Variants in FHOD3 observed in about 807,000 individuals in gnomAD.
The protein encoded by FHOD3 is formin homology 2 domain containing 3, also known as FH1/FH2 domain-containing protein 3.
A neutral mutation model predicts 173.0 loss-of-function variants in FHOD3; 90 were observed. That is an observed-to-expected ratio of 0.52 (90% confidence interval 0.44 to 0.62). The LOEUF (loss-of-function observed/expected upper bound fraction) is 0.62. Ranked by LOEUF, FHOD3 falls within the 20% of genes least tolerant of loss-of-function variation. The pLI is 0.00. For missense variants in FHOD3, 1,945 were observed against 2,034.7 expected (o/e 0.96, Z 0.85); for synonymous variants, 828 against 823.0 (o/e 1.01, Z -0.10).
At chr18:36,450,488 A>T (rs1443765313) in intron 3 of FHOD3, among the ~76,000 whole-genome samples, 4 of 132,004 alleles carry the variant, frequency 3.0e-5, no homozygotes, top group Admixed American at 1.5e-4. Flanking sequence ...TATTTATTTA[A>T]TTTTTAAAGA....
intron 3 of FHOD3, among the ~76,000 whole-genome samples, chr18:36,382,120 A>G (rs1156957900): frequency 1.3e-5 from 2 of 152,226 alleles, no homozygotes; most frequent in African/African-American, 2.4e-5. Flanking sequence ...GACCTGATGC[A>G]AGACTGCTCC....
At chr18:36,729,473 A>G (rs915214435) in intron 19 of FHOD3, among the ~76,000 whole-genome samples, 3 of 152,206 alleles carry the variant, frequency 2.0e-5, no homozygotes, top group Non-Finnish European at 2.9e-5. Flanking sequence ...AATACCACAC[A>G]CAGGTGACCT....
chr18:36,649,197 T>A, intron 10 of FHOD3, 119 bp from the exon 11 acceptor site: 1 of 631,756 alleles, frequency 1.6e-6, no homozygotes, highest in Non-Finnish European at 2.6e-6. Context: ...TTTTTAATTA[T>A]TATTATTTCG....
intron 1 of FHOD3, among the ~76,000 whole-genome samples, chr18:36,329,814 G>A (rs1281471765): frequency 1.6e-5 from 1 of 61,774 alleles, no homozygotes; most frequent in Non-Finnish European, 3.5e-5. Flanking sequence ...AATTCCAAGA[G>A]AGAACTAAGC....
chr18:36,711,254 G>A (rs2040156326), intron 18 of FHOD3: 1 of 152,212 alleles, frequency 6.6e-6, no homozygotes, highest in African/African-American at 2.4e-5. Context: ...TGTCATTATA[G>A]CTCTTGCTTT....
At chr18:36,585,899 G>A (rs74465784) in intron 6 of FHOD3, among the ~76,000 whole-genome samples, 3,068 of 152,224 alleles carry the variant, frequency 0.02, 108 homozygotes, top group African/African-American at 0.07. Flanking sequence ...GAGATGTTCT[G>A]CCCTTTTCTA....
intron 3 of FHOD3, among the ~76,000 whole-genome samples, chr18:36,375,094 G>A (rs2047374398): frequency 6.6e-6 from 1 of 152,212 alleles, no homozygotes; most frequent in African/African-American, 2.4e-5. Context: ...AAAATGGAAT[G>A]TGTGCAATCA....
chr18:36,663,509 C>T (rs908234232), intron 14 of FHOD3, among the ~76,000 whole-genome samples: 1 of 152,224 alleles, frequency 6.6e-6, no homozygotes, highest in African/African-American at 2.4e-5. Flanking sequence ...CCTATTATTG[C>T]ATCATCTGCT....
chr18:36,652,957 T>C, intron 12 of FHOD3, 28 bp downstream of exon 12: 6 of 1,511,782 alleles, frequency 4.0e-6, no homozygotes, highest in Non-Finnish European at 5.3e-6. Context: ...GAGGCTTGTT[T>C]GAGATTAACT....
chr18:36,323,029 C>G (rs908906603), intron 1 of FHOD3, among the ~76,000 whole-genome samples: 23 of 152,168 alleles, frequency 1.5e-4, no homozygotes, highest in African/African-American at 5.5e-4. Flanking sequence ...CCCACAGACA[C>G]GCTTGCAATC....
chr18:36,755,382 C>T, intron 25 of FHOD3, 71 bp downstream of exon 25: 1 of 737,442 alleles, frequency 1.4e-6, no homozygotes, highest in Non-Finnish European at 1.9e-6. Flanking sequence ...ATCCTCCCCA[C>T]AGTTAAAAGC....
chr18:36,404,110 G>A (rs1208022961), intron 3 of FHOD3, among the ~76,000 whole-genome samples: 2 of 152,198 alleles, frequency 1.3e-5, no homozygotes, highest in Non-Finnish European at 2.9e-5. Context: ...GCTCCCTGAG[G>A]GTTTGGGCAG....
chr18:36,528,912 C>T (rs575006591), intron 5 of FHOD3, among the ~76,000 whole-genome samples: 1 of 152,176 alleles, frequency 6.6e-6, no homozygotes, highest in Non-Finnish European at 1.5e-5. Flanking sequence ...TCTCATTTCT[C>T]GCACACTCAC....
chr18:36,548,173 G>T (rs3859356), intron 5 of FHOD3, among the ~76,000 whole-genome samples: 1 of 151,964 alleles, frequency 6.6e-6, no homozygotes, highest in Non-Finnish European at 1.5e-5. Context: ...GCCTGGGTGA[G>T]AGAGTGAGAC....
intron 6 of FHOD3, among the ~76,000 whole-genome samples, chr18:36,581,207 G>A (rs1488144484): frequency 1.3e-5 from 2 of 152,220 alleles, no homozygotes; most frequent in African/African-American, 4.8e-5. Context: ...CCAGTCAGAG[G>A]TAAGAGGCAG....
chr18:36,717,774 C>G (rs1482005159), intron 18 of FHOD3, 58 bp from the exon 19 acceptor site: 6 of 1,515,272 alleles, frequency 4.0e-6, no homozygotes, highest in African/African-American at 1.4e-5. Context: ...CATCGATTCT[C>G]TCATGGAAGT....
chr18:36,541,267 A>G (rs896673141), intron 5 of FHOD3, among the ~76,000 whole-genome samples: 11 of 147,750 alleles, frequency 7.4e-5, no homozygotes, highest in African/African-American at 2.7e-4. Flanking sequence ...AAAAAAAAAA[A>G]AAAAAGAAAG....
At chr18:36,311,040 A>G (rs994728068) in intron 1 of FHOD3, among the ~76,000 whole-genome samples, 1 of 152,228 alleles carries the variant, frequency 6.6e-6, no homozygotes, top group South Asian at 2.1e-4. Context: ...CAGAAAAGGA[A>G]AGGAAGAGGA....
In FHOD3 at chr18:36,538,134, T is replaced by G. The variant is rs536817558; in HGVS notation, c.511+25591T>G. ...CAGGAAGTCTCCAGAGGGGAAAAAA[T>G]ATAGAATTGAGTGAAAATACAACAT... On this transcript the variant is annotated intron_variant, in intron 5 of 28. Transcript: ENST00000590592. Among the ~76,000 whole-genome samples the G allele has an allele frequency of 2.6e-5, 4 of 152,082 alleles. No individual in the cohort carries two copies. In the South Asian group the frequency reaches 8.3e-4, roughly 32 times the overall value.
Sources: allele counts gnomAD v4.1 joint callset (sites outside exome capture counted in the v4.1 genomes callset), GRCh38; gene constraint gnomAD v4.1.1; transcripts MANE v1.5; gene names NCBI Gene and HGNC (gene_info 2026-07-23, HGNC 2026-07-21).